Variants in ABCA9 observed in about 807,000 individuals in gnomAD.
ABCA9 encodes ATP-binding cassette sub-family A member 9.
Under a neutral mutation model 205.3 loss-of-function variants are expected in ABCA9, and 183 were observed. That is an observed-to-expected ratio of 0.89 (90% confidence interval 0.79 to 1.01). ABCA9 has a LOEUF of 1.01. Among genes scored for constraint, ABCA9 ranks in the 50% least tolerant of loss-of-function variants. The pLI is 0.00. For missense variants in ABCA9, 1,805 were observed against 1,912.4 expected, an observed-to-expected ratio of 0.94 and a Z score of 1.05; for synonymous variants, 651 against 683.3, an observed-to-expected ratio of 0.95 and a Z score of 0.74.
At chr17:68,986,489 C>T (rs72851723) in intron 31 of ABCA9, 165 bp from the exon 32 acceptor site, 15,357 of 598,060 alleles carry the variant, frequency 0.026, 592 homozygotes, top group African/African-American at 0.13. Context: ...GGTAAAAGCC[C>T]ACTTTAAAAG....
chr17:69,012,366 C>T (rs929577416), intron 22 of ABCA9: 13 of 278,726 alleles, frequency 4.7e-5, no homozygotes, highest in Admixed American at 1.6e-4. Context: ...AGGCATGAAA[C>T]GTCTTTTCTC....
intron 6 of ABCA9, chr17:69,042,182 T>G (rs376150003): frequency 6.6e-6 from 1 of 152,156 alleles, no homozygotes; most frequent in Non-Finnish European, 1.5e-5. Context: ...TTGCCTCTAC[T>G]GTCATCTCTG....
intron 3 of ABCA9, among the ~76,000 whole-genome samples, chr17:69,046,913 A>AT (rs1567971359): frequency 3.1e-4 from 38 of 122,162 alleles, no homozygotes; most frequent in African/African-American, 9.9e-4. Flanking sequence ...ATATATATAT[A>AT]AAATTTTATA....
At position 69,044,545 on chromosome 17, in the gene ABCA9, C is replaced by T; in HGVS notation, c.525G>A (p.Glu175=). ...KMKCEGSEFW[E]KGFVAFQAAI... ...CAGCTTGAAAAGCTACAAAGCCTTT[C>T]TCCCAGAACTCTGAACCTTCACACT... Residue 175 remains glutamate, a synonymous_variant, in exon 5 of 39, where the codon GAG becomes GAA. Transcript: ENST00000340001. The T allele has an allele frequency of 6.2e-7, 1 of 1,613,252 alleles. No homozygotes were observed. Among genetic ancestry groups the T allele is most frequent in the Non-Finnish European group, 8.5e-7 (1 of 1,179,582 alleles).
the ABCA9 span, among the ~76,000 whole-genome samples, chr17:69,077,610 T>C: frequency 2.6e-5 from 4 of 152,192 alleles, no homozygotes; most frequent in African/African-American, 9.6e-5. Context: ...GGTGTTGAAG[T>C]TTCCTACTAC....
At chr17:69,017,945 A>G (rs1342249902) in intron 20 of ABCA9, among the ~76,000 whole-genome samples, 156 bp from the exon 21 acceptor site, 1 of 152,202 alleles carries the variant, frequency 6.6e-6, no homozygotes, top group East Asian at 1.9e-4. Flanking sequence ...ACAACAATCC[A>G]GTCTAACATC....
rs572490700 is a variant in ABCA9 at position 68,988,149 on chromosome 17, C to T, written c.4047+878G>A. Among the ~76,000 whole-genome samples, 69 of 152,268 alleles carry T rather than the reference C, an allele frequency of 4.5e-4. No individual in the cohort carries two copies. In the South Asian group the frequency reaches 0.01, roughly 23 times the overall value. ...GACAGGAAACCTCTGTAGCATTGAA[C>T]GCCACTGTGCGACCTTCCTTCATAA... On this transcript the variant is annotated intron_variant, in intron 31 of 38. Coordinates refer to ENST00000340001, the MANE Select transcript of ABCA9 (RefSeq NM_080283.4).
At chr17:69,072,046 A>G in the ABCA9 span, among the ~76,000 whole-genome samples, 1 of 152,204 alleles carries the variant, frequency 6.6e-6, no homozygotes, top group Admixed American at 6.5e-5. Context: ...AGATTAGAGA[A>G]AAAAGAATAG....
intron 25 of ABCA9, among the ~76,000 whole-genome samples, chr17:69,005,403 T>TA (rs1483259742): frequency 1.3e-5 from 2 of 152,190 alleles, no homozygotes; most frequent in Non-Finnish European, 2.9e-5. Context: ...CAGAGCCCTG[T>TA]AAAATAGCAA....
chr17:69,034,820 A>G (rs1282852720), intron 8 of ABCA9: 1 of 152,466 alleles, frequency 6.6e-6, no homozygotes. Context: ...AGAACCTTTC[A>G]TTTAGCATAT....
At chr17:69,018,029 T>C (rs1264399385) in intron 20 of ABCA9, 6 of 460,892 alleles carry the variant, frequency 1.3e-5, no homozygotes, top group Non-Finnish European at 2.3e-5. Flanking sequence ...GAAATAAGAA[T>C]TGCTGTTAAC....
intron 2 of ABCA9, 98 bp downstream of exon 2, chr17:69,050,933 A>G: frequency 9.4e-7 from 1 of 1,068,276 alleles, no homozygotes; most frequent in Non-Finnish European, 1.3e-6. Context: ...GACTACACAT[A>G]TGTGCAATGT....
At chr17:69,015,387 A>G (rs1179271514) in intron 22 of ABCA9, among the ~76,000 whole-genome samples, 1 of 151,802 alleles carries the variant, frequency 6.6e-6, no homozygotes, top group Non-Finnish European at 1.5e-5. Flanking sequence ...ACATAACAAG[A>G]TGAAAGAGGT....
In ABCA9 at chr17:69,049,482, G is replaced by C; in HGVS notation, c.105C>G (p.Leu35=). The C allele has an allele frequency of 6.2e-7, 1 of 1,608,756 alleles. No individual in the cohort carries two copies. The highest frequency in any genetic ancestry group is 1.8e-4 in the Middle Eastern group (1 of 5,458). ...GAAACAGTACCAGAAGAAATGAAAA[G>C]AGCCATTCCTATATAGCAATAAGAG... ...RMKRQTLLEW[L]FSFLLVLFLY... The change falls in exon 3 of 39, where the codon CTC becomes CTG. Residue 35 remains leucine, a synonymous_variant. Coordinates refer to ENST00000340001, the MANE Select transcript of ABCA9 (RefSeq NM_080283.4).
intron 1 of ABCA9, among the ~76,000 whole-genome samples, chr17:69,058,018 C>T (rs1288245387): frequency 6.6e-6 from 1 of 152,032 alleles, no homozygotes; most frequent in African/African-American, 2.4e-5. Context: ...AGAATAACAA[C>T]GATGGTCTGA....
At chr17:69,021,897 A>C in intron 17 of ABCA9, 36 bp from the exon 18 acceptor site, 1 of 1,329,574 alleles carries the variant, frequency 7.5e-7, no homozygotes, top group African/African-American at 1.5e-5. Flanking sequence ...ATAAGAATAT[A>C]ATTTATAATG....
chr17:69,049,554 A>G, intron 2 of ABCA9, 64 bp from the exon 3 acceptor site: 2 of 1,327,132 alleles, frequency 1.5e-6, no homozygotes, highest in Non-Finnish European at 2.1e-6. Flanking sequence ...TCAATCATCC[A>G]CAAACAGTTT....
chr17:68,989,242 C>CT, intron 30 of ABCA9, 124 bp from the exon 31 acceptor site: 1 of 335,160 alleles, frequency 3.0e-6, no homozygotes, highest in South Asian at 3.8e-5. Context: ...TTCCCTTATT[C>CT]CTCTCTCTCT....
Position 69,004,489 on chromosome 17 carries a change from A to G in ABCA9, c.3435+3270T>C, listed in dbSNP as rs190990224. ...CCCGTTCTCAGATCTCCAGCTGCGT[A>G]CTGGGAGAACCACTGCTTTCTTCAA... On this transcript the variant is annotated intron_variant, in intron 25 of 38. Coordinates refer to ENST00000340001, the MANE Select transcript of ABCA9 (RefSeq NM_080283.4). Among the ~76,000 whole-genome samples, 71 of 152,332 alleles carry G rather than the reference A, an allele frequency of 4.7e-4. No homozygotes were observed. In the East Asian group the frequency reaches 9.3e-3, roughly 20 times the overall value.
Sources: allele counts gnomAD v4.1 joint callset (sites outside exome capture counted in the v4.1 genomes callset), GRCh38; gene constraint gnomAD v4.1.1; transcripts MANE v1.5; gene names NCBI Gene and HGNC (gene_info 2026-07-23, HGNC 2026-07-21).